PCDH15: variants seen among roughly 807,000 people sequenced by gnomAD.
PCDH15 encodes the protein protocadherin-15.
In PCDH15, 129 loss-of-function variants were observed where a neutral mutation model predicts 178.5. That is an observed-to-expected ratio of 0.72 (90% CI 0.63 to 0.84). PCDH15 has a LOEUF of 0.84. Ranked by LOEUF, PCDH15 falls within the 40% of genes least tolerant of loss-of-function variation. The pLI, the probability that PCDH15 is intolerant of heterozygous loss-of-function variation, is 0.00. For synonymous variants in PCDH15, 800 were observed against 732.0 expected (o/e 1.09, Z -1.50); for missense variants, 2,230 against 2,099.9 (o/e 1.06, Z -1.21).
At chr10:55,235,426 A>C (rs1472566571) in intron 1 of PCDH15, among the ~76,000 whole-genome samples, 1 of 152,088 alleles carries the variant, frequency 6.6e-6, no homozygotes. Context: ...TTTACACCTT[A>C]AAAATCTTTT....
At chr10:55,137,906 G>A (rs74136358) in intron 2 of PCDH15, among the ~76,000 whole-genome samples, 5,295 of 152,198 alleles carry the variant, frequency 0.035, 187 homozygotes, top group African/African-American at 0.1. Flanking sequence ...CAGGAGGGTA[G>A]TAACGATTGG....
chr10:54,383,625 GTT>G (rs35045750), intron 3 of PCDH15, among the ~76,000 whole-genome samples: 4,696 of 37,044 alleles, frequency 0.13, 129 homozygotes, highest in Middle Eastern at 0.18. Flanking sequence ...GTGTATGTGT[GTT>G]TTTGTGTGTG....
intron 2 of PCDH15, among the ~76,000 whole-genome samples, chr10:55,615,407 T>C (rs761926011): frequency 1.3e-5 from 2 of 152,178 alleles, no homozygotes; most frequent in African/African-American, 2.4e-5. Context: ...AAAATAATCA[T>C]AGTTTTTAAC....
intron 13 of PCDH15, among the ~76,000 whole-genome samples, chr10:54,171,314 A>C (rs1270082285): frequency 1.3e-5 from 2 of 152,132 alleles, no homozygotes; most frequent in Non-Finnish European, 2.9e-5. Flanking sequence ...TCAGCCACCA[A>C]CTTAAAAAGG....
chr10:55,036,169 T>G (rs189130747), intron 2 of PCDH15, among the ~76,000 whole-genome samples: 1 of 152,284 alleles, frequency 6.6e-6, no homozygotes, highest in African/African-American at 2.4e-5. Flanking sequence ...TATATCACCA[T>G]TTCTTTTCCT....
At chr10:54,735,810 G>T (rs542068478) in intron 1 of PCDH15, among the ~76,000 whole-genome samples, 1 of 117,380 alleles carries the variant, frequency 8.5e-6, no homozygotes, top group South Asian at 3.2e-4. Flanking sequence ...GGTGGGAATT[G>T]AACAATGAGA....
intron 1 of PCDH15, among the ~76,000 whole-genome samples, chr10:55,214,392 C>T (rs897994592): frequency 2.0e-5 from 3 of 151,804 alleles, no homozygotes; most frequent in African/African-American, 7.3e-5. Context: ...TTTCTCTCTG[C>T]AGTTACATTG....
chr10:53,936,383 G>A (rs547784994), intron 25 of PCDH15, among the ~76,000 whole-genome samples: 1 of 152,132 alleles, frequency 6.6e-6, no homozygotes, highest in East Asian at 1.9e-4. Flanking sequence ...TGTTTTAAGA[G>A]TCCTTAAGAT....
chr10:54,209,109 T>C (rs1303964084), intron 10 of PCDH15, among the ~76,000 whole-genome samples: 1 of 152,090 alleles, frequency 6.6e-6, no homozygotes, highest in African/African-American at 2.4e-5. Context: ...GTAGGTTCCA[T>C]CTTTTTCATT....
At chr10:55,452,444 A>T (rs567443442) in intron 2 of PCDH15, among the ~76,000 whole-genome samples, 1 of 152,298 alleles carries the variant, frequency 6.6e-6, no homozygotes, top group South Asian at 2.1e-4. Flanking sequence ...GGTTTGCTGT[A>T]TAATGCTTAT....
intron 2 of PCDH15, among the ~76,000 whole-genome samples, chr10:54,564,434 A>G (rs61200716): frequency 0.012 from 1,866 of 152,270 alleles, 58 homozygotes; most frequent in African/African-American, 0.043. Flanking sequence ...AGTATTTGGA[A>G]AGCTGTTTCC....
At chr10:54,582,097 G>A (rs1428744933) in intron 2 of PCDH15, among the ~76,000 whole-genome samples, 1 of 151,938 alleles carries the variant, frequency 6.6e-6, no homozygotes, top group Non-Finnish European at 1.5e-5. Context: ...TAAAGAGTTT[G>A]CACAGCAATA....
At chr10:53,900,650 T>G (rs1409066351) in intron 26 of PCDH15, among the ~76,000 whole-genome samples, 2 of 152,160 alleles carry the variant, frequency 1.3e-5, no homozygotes, top group African/African-American at 4.8e-5. Flanking sequence ...ACCTATACTT[T>G]TTGATTCCTT....
chr10:53,994,308 A>G (rs76811017), intron 21 of PCDH15, among the ~76,000 whole-genome samples: 66 of 152,288 alleles, frequency 4.3e-4, no homozygotes, highest in African/African-American at 1.4e-3. Context: ...TAAACTCTAT[A>G]TTAAATTCTG....
intron 1 of PCDH15, among the ~76,000 whole-genome samples, chr10:55,210,586 G>C (rs2132169748): frequency 6.9e-6 from 1 of 144,100 alleles, no homozygotes; most frequent in East Asian, 2.1e-4. Context: ...AATTGAATTT[G>C]GCTCTCACGA....
At chr10:54,461,712 A>G (rs1426248863) in intron 3 of PCDH15, among the ~76,000 whole-genome samples, 1 of 152,118 alleles carries the variant, frequency 6.6e-6, no homozygotes, top group African/African-American at 2.4e-5. Context: ...CACCTGTAAA[A>G]TGAAACCAAT....
chr10:54,090,204 G>A, intron 15 of PCDH15, 141 bp from the exon 16 acceptor site: 1 of 690,352 alleles, frequency 1.4e-6, no homozygotes, highest in South Asian at 1.7e-5. Flanking sequence ...TGGCCTAATG[G>A]CAAGGTGTAA....
At chr10:53,808,869 C>T (rs951359964) in intron 37 of PCDH15, 36 of 1,605,136 alleles carry the variant, frequency 2.2e-5, no homozygotes, top group Admixed American at 1.7e-4. Context: ...CTCCTTCCAC[C>T]GAAGCTGATT....
At chr10:54,519,815 C>T (rs575972654) in intron 3 of PCDH15, among the ~76,000 whole-genome samples, 10 of 152,248 alleles carry the variant, frequency 6.6e-5, no homozygotes, top group Non-Finnish European at 1.0e-4. Flanking sequence ...TCAAACTATG[C>T]TGCAAGGCTA....
Sources: allele counts gnomAD v4.1 joint callset (sites outside exome capture counted in the v4.1 genomes callset), GRCh38; gene constraint gnomAD v4.1.1; transcripts MANE v1.5; gene names NCBI Gene and HGNC (gene_info 2026-07-23, HGNC 2026-07-21).